Variants in DOCK9 observed in about 807,000 individuals in gnomAD.
DOCK9 encodes the protein dedicator of cytokinesis protein 9.
In DOCK9, 89 loss-of-function variants were observed where a neutral mutation model predicts 263.3. The observed-to-expected ratio is 0.34, with a 90% confidence interval of 0.28 to 0.40. DOCK9 has a LOEUF of 0.40. DOCK9 is among the 10% of genes least tolerant of loss of function. The pLI, the probability that DOCK9 is intolerant of heterozygous loss-of-function variation, is 1.00. For synonymous variants in DOCK9, 976 were observed against 973.1 expected (o/e 1.00, Z -0.06); for missense variants, 2,140 against 2,603.4 (o/e 0.82, Z 3.87).
chr13:99,053,324 A>G (rs1376386476), intron 1 of DOCK9, among the ~76,000 whole-genome samples: 4 of 152,244 alleles, frequency 2.6e-5, no homozygotes, highest in Admixed American at 2.6e-4. Flanking sequence ...TCTTGTTCAG[A>G]ATTCTAAGCT....
chr13:98,954,065 GGAAGTT>G (rs1224845241), intron 2 of DOCK9, among the ~76,000 whole-genome samples: 1 of 151,444 alleles, frequency 6.6e-6, no homozygotes, highest in Non-Finnish European at 1.5e-5. Context: ...CTATTAACAT[GGAAGTT>G]TCTAAAGACA....
chr13:98,974,200 A>C (rs1045303967), intron 1 of DOCK9, among the ~76,000 whole-genome samples: 1 of 152,146 alleles, frequency 6.6e-6, no homozygotes, highest in Non-Finnish European at 1.5e-5. Flanking sequence ...TAGGTATTCA[A>C]ATGTGAGCAG....
rs1449069425 is a variant in DOCK9, at chr13:98,942,247, T to G, written c.244-11990A>C. ...TTTTTTTTTTGTTGTTTTTTTTTTTTGTTTTTTTGAGACAGAGTCTCGCTC... is the reference window on the plus strand; with the variant it reads ...TTTTTTTTTTGTTGTTTTTTTTTTTGGTTTTTTTGAGACAGAGTCTCGCTC... On this transcript the variant is annotated intron_variant, in intron 2 of 52. Coordinates refer to ENST00000682017, the MANE Select transcript of DOCK9 (RefSeq NM_001366683.2). Among the ~76,000 whole-genome samples, 5 of 150,072 alleles carry G rather than the reference T, an allele frequency of 3.3e-5. No individual in the cohort carries two copies. In the South Asian group the frequency reaches 1.1e-3, roughly 32 times the overall value.
chr13:98,972,260 A>G (rs2059811046), intron 1 of DOCK9, among the ~76,000 whole-genome samples: 2 of 152,214 alleles, frequency 1.3e-5, no homozygotes, highest in South Asian at 4.1e-4. Context: ...AGGGAACCAT[A>G]TAAGTAGTGG....
At chr13:98,859,955 GA>G in intron 33 of DOCK9, 1 of 162,224 alleles carries the variant, frequency 6.2e-6, no homozygotes, top group Non-Finnish European at 1.3e-5. Context: ...TTGCGGGACA[GA>G]AGACTTTTGA....
At chr13:98,805,344 C>A in intron 48 of DOCK9, 135 bp from the exon 49 acceptor site, 1 of 762,196 alleles carries the variant, frequency 1.3e-6, no homozygotes, top group South Asian at 1.8e-5. Flanking sequence ...CACATATCCA[C>A]CACTTGGATC....
In DOCK9 at chr13:98,831,334, T is replaced by G; in HGVS notation, c.4635+14A>C. 6.3e-7 allele frequency: 1 copy of G among 1,595,254 alleles called. No homozygotes were observed. The highest frequency in any genetic ancestry group is 8.5e-7 in the Non-Finnish European group (1 of 1,169,628). ...ACAGAGTAAATCTGTATTGGAAAGC[T>G]AAACCACACGCACTTGCAAATGTGT... On this transcript the variant is annotated intron_variant, in intron 41 of 52. Coordinates refer to ENST00000682017, the MANE Select transcript of DOCK9 (RefSeq NM_001366683.2).
intron 15 of DOCK9, among the ~76,000 whole-genome samples, chr13:98,892,271 G>C (rs1280209220): frequency 1.3e-5 from 2 of 152,082 alleles, no homozygotes; most frequent in East Asian, 1.9e-4. Context: ...AATTCCCACA[G>C]AGGAAATGGG....
At chr13:98,817,237 T>G (rs76877140) in intron 45 of DOCK9, among the ~76,000 whole-genome samples, 886 of 152,168 alleles carry the variant, frequency 5.8e-3, no homozygotes, top group Non-Finnish European at 8.7e-3. Context: ...GATTGGGGTT[T>G]TTTGTTTGTT....
Position 98,940,671 on chromosome 13 carries a change from T to G in DOCK9, c.244-10414A>C, listed in dbSNP as rs1420786048. Among the ~76,000 whole-genome samples the G allele has an allele frequency of 8.7e-5, 13 of 149,366 alleles. No individual in the cohort carries two copies. In the East Asian group the frequency reaches 2.6e-3, roughly 29 times the overall value. ...ATCCATCTTGTTGGTGGTCTTGAGG[T>G]GGGGGGGCCTTCTCTGCCTCTCTAA... On this transcript the variant is annotated intron_variant, in intron 2 of 52. Transcript: ENST00000682017.
chr13:98,855,867 G>T, intron 34 of DOCK9, 31 bp downstream of exon 34: 1 of 1,611,544 alleles, frequency 6.2e-7, no homozygotes, highest in South Asian at 1.1e-5. Context: ...TTGATTATAA[G>T]AAACATTTGT....
chr13:98,900,036 G>A (rs540008824), intron 13 of DOCK9, among the ~76,000 whole-genome samples: 4 of 152,284 alleles, frequency 2.6e-5, no homozygotes, highest in African/African-American at 7.2e-5. Flanking sequence ...TCATCTCACT[G>A]TAACATCTCT....
At chr13:98,838,128 G>GGCA (rs2093077868) in intron 38 of DOCK9, among the ~76,000 whole-genome samples, 1 of 152,208 alleles carries the variant, frequency 6.6e-6, no homozygotes, top group Non-Finnish European at 1.5e-5. Flanking sequence ...TGTAGACGGA[G>GGCA]GCAGCAGCAC....
intron 2 of DOCK9, among the ~76,000 whole-genome samples, chr13:98,953,842 T>TA (rs2057719953): frequency 1.3e-5 from 2 of 152,366 alleles, no homozygotes; most frequent in South Asian, 4.1e-4. Context: ...ATTTACCTGT[T>TA]ACTTTGGTAG....
intron 4 of DOCK9, among the ~76,000 whole-genome samples, chr13:98,924,992 C>G (rs1459036819): frequency 1.3e-5 from 2 of 151,972 alleles, no homozygotes; most frequent in African/African-American, 2.4e-5. Flanking sequence ...CGGTGAAACC[C>G]TGTCTCTACT....
At chr13:99,036,964 C>T (rs1393892956) in intron 1 of DOCK9, among the ~76,000 whole-genome samples, 1 of 152,170 alleles carries the variant, frequency 6.6e-6, no homozygotes, top group East Asian at 1.9e-4. Context: ...ATAGTATAGG[C>T]TCTGCAAATA....
At position 98,955,335 on chromosome 13, in the gene DOCK9, AT is replaced by A. The variant is rs1432730566; in HGVS notation, c.243+99del. ...CTGTGTCTCAAAAAAAATAATAATA[AT>A]AATAATTAACTAACCAAACAATAAA... is the stretch of plus-strand genomic sequence containing the variant. On this transcript the variant is annotated intron_variant, in intron 2 of 52. Transcript: ENST00000682017. 2.6e-3 allele frequency: 1,981 copies of A among 775,526 alleles called. 50 individuals carry two copies. In the South Asian group the frequency reaches 0.041, roughly 16 times the overall value. 48.0% of individuals were successfully genotyped at this position (775,526 alleles called of 1,614,324 possible).
chr13:98,855,763 C>G, intron 34 of DOCK9, 135 bp downstream of exon 34: 1 of 970,858 alleles, frequency 1.0e-6, no homozygotes. Context: ...CTCTCATCAC[C>G]TACTCCAGGT....
At chr13:98,822,800 AT>A (rs910755450) in intron 45 of DOCK9, among the ~76,000 whole-genome samples, 61 of 152,336 alleles carry the variant, frequency 4.0e-4, no homozygotes, top group African/African-American at 1.4e-3. Context: ...AGAAAACTTT[AT>A]TGGGGTTTAA....
Sources: allele counts gnomAD v4.1 joint callset (sites outside exome capture counted in the v4.1 genomes callset), GRCh38; gene constraint gnomAD v4.1.1; transcripts MANE v1.5; gene names NCBI Gene and HGNC (gene_info 2026-07-23, HGNC 2026-07-21).